Variants in TAOK1 observed in about 807,000 individuals in gnomAD.
The protein encoded by TAOK1 is TAO kinase 1, also known as serine/threonine-protein kinase TAO1.
A neutral mutation model predicts 138.3 loss-of-function variants in TAOK1; 21 were observed. The ratio of observed to expected loss-of-function variants is 0.15; its 90% CI spans 0.11 to 0.22. The LOEUF (loss-of-function observed/expected upper bound fraction) is 0.22. Among genes scored for constraint, TAOK1 ranks in the 10% least tolerant of loss-of-function variants. TAOK1 has a pLI of 1.00. For synonymous variants in TAOK1, 361 were observed against 398.4 expected, an observed-to-expected ratio of 0.91 and a Z score of 1.12; for missense variants, 651 against 1,227.7, an observed-to-expected ratio of 0.53 and a Z score of 7.02.
At chr17:29,508,297 T>C (rs2031662387) in intron 14 of TAOK1, among the ~76,000 whole-genome samples, 165 bp downstream of exon 14, 1 of 152,198 alleles carries the variant, frequency 6.6e-6, no homozygotes, top group Non-Finnish European at 1.5e-5. Context: ...TAAATTGATA[T>C]TACAAGAAAG....
At chr17:29,398,623 A>G (rs1904736853) in intron 1 of TAOK1, among the ~76,000 whole-genome samples, 1 of 151,766 alleles carries the variant, frequency 6.6e-6, no homozygotes, top group Non-Finnish European at 1.5e-5. Flanking sequence ...TCAGCCTCCC[A>G]GGTTCAAGTG....
rs941195582 is a variant in TAOK1, at chr17:29,395,136, T to G, written c.-95+4112T>G. Among the ~76,000 whole-genome samples the G allele has an allele frequency of 3.9e-5, 6 of 152,102 alleles. No individual in the cohort carries two copies. In the East Asian group the frequency reaches 1.2e-3, roughly 29 times the overall value. On this transcript the variant is annotated intron_variant, in intron 1 of 19. Coordinates refer to ENST00000261716, the MANE Select transcript of TAOK1 (RefSeq NM_020791.4). ...ATGGTGCGTGCTTGTTCTAACTACCTGGCAGGCTGAGGTGGGAGGATTGCT... is the reference window on the plus strand; with the variant it reads ...ATGGTGCGTGCTTGTTCTAACTACCGGGCAGGCTGAGGTGGGAGGATTGCT...
chr17:29,397,741 G>A (rs553399490), intron 1 of TAOK1, among the ~76,000 whole-genome samples: 330 of 106,820 alleles, frequency 3.1e-3, no homozygotes, highest in Middle Eastern at 0.015. Context: ...ATATATACAC[G>A]TATATATACA....
chr17:29,481,945 G>A (rs1234636034), intron 7 of TAOK1, among the ~76,000 whole-genome samples: 1 of 152,178 alleles, frequency 6.6e-6, no homozygotes, highest in East Asian at 1.9e-4. Flanking sequence ...GGGTGACAGA[G>A]CGAGACTCTG....
chr17:29,521,120 ATTG>A (rs926095621), intron 16 of TAOK1, among the ~76,000 whole-genome samples: 11 of 152,276 alleles, frequency 7.2e-5, no homozygotes, highest in African/African-American at 2.6e-4. Flanking sequence ...TAAAACATAT[ATTG>A]TTGTTCAGTT....
At chr17:29,499,420 C>G (rs1239016997) in intron 12 of TAOK1, among the ~76,000 whole-genome samples, 1 of 151,362 alleles carries the variant, frequency 6.6e-6, no homozygotes, top group Non-Finnish European at 1.5e-5. Flanking sequence ...TTAGTAGAGA[C>G]AGGGTTTCAC....
intron 19 of TAOK1, among the ~76,000 whole-genome samples, chr17:29,542,310 A>G (rs931179689): frequency 6.6e-6 from 1 of 152,174 alleles, no homozygotes; most frequent in African/African-American, 2.4e-5. Context: ...TTATGGGTGC[A>G]CTAAAAGCCC....
intron 1 of TAOK1, among the ~76,000 whole-genome samples, chr17:29,399,110 C>T (rs1365150598): frequency 6.6e-6 from 1 of 151,688 alleles, no homozygotes; most frequent in East Asian, 1.9e-4. Flanking sequence ...CCTTTGCCCT[C>T]CAAGTAGCTA....
intron 8 of TAOK1, among the ~76,000 whole-genome samples, chr17:29,483,632 C>G (rs2031109264): frequency 6.6e-6 from 1 of 151,984 alleles, no homozygotes; most frequent in South Asian, 2.1e-4. Flanking sequence ...AGTATTTTCA[C>G]TTTTGTTGGA....
At chr17:29,421,327 C>T (rs1010580769) in intron 1 of TAOK1, among the ~76,000 whole-genome samples, 1 of 152,156 alleles carries the variant, frequency 6.6e-6, no homozygotes, top group African/African-American at 2.4e-5. Flanking sequence ...TTATAAACTG[C>T]CAGCATCTAT....
intron 15 of TAOK1, chr17:29,514,403 C>G (rs1331569344): frequency 6.6e-6 from 1 of 152,110 alleles, no homozygotes; most frequent in African/African-American, 2.4e-5. Flanking sequence ...CTCTGTCACC[C>G]ATGCTGGAGT....
At chr17:29,463,969 A>T (rs746847719) in intron 2 of TAOK1, among the ~76,000 whole-genome samples, 1 of 152,232 alleles carries the variant, frequency 6.6e-6, no homozygotes, top group African/African-American at 2.4e-5. Flanking sequence ...AAGATCCTCA[A>T]CCTCATTAGT....
intron 1 of TAOK1, among the ~76,000 whole-genome samples, chr17:29,416,758 A>G (rs1394520634): frequency 6.6e-6 from 1 of 152,162 alleles, no homozygotes; most frequent in Admixed American, 6.6e-5. Context: ...ATACTACCGT[A>G]GAGAGGCAAA....
intron 18 of TAOK1, 53 bp from the exon 19 acceptor site, chr17:29,534,065 A>C (rs149407319): frequency 6.7e-7 from 1 of 1,494,846 alleles, no homozygotes; most frequent in African/African-American, 1.4e-5. Context: ...TCATGAATTG[A>C]TAGCTAACAT....
At chr17:29,439,864 TAAAA>T (rs371960597) in intron 1 of TAOK1, among the ~76,000 whole-genome samples, 3 of 118,168 alleles carry the variant, frequency 2.5e-5, no homozygotes, top group Non-Finnish European at 5.3e-5. Context: ...CTCTGTCTCC[TAAAA>T]AAAAAAAAAA....
rs768190216 is a variant in TAOK1 at position 29,542,690 on chromosome 17, C to G, written c.2674C>G (p.Leu892Val). 24 of 1,614,076 alleles carry G rather than the reference C, an allele frequency of 1.5e-5. No homozygotes were observed. Among genetic ancestry groups the G allele is most frequent in the Non-Finnish European group, 1.9e-5 (22 of 1,180,042 alleles). ...SMRLGFSNMV[L>V]SNLSPEAFSH... ...GAGACTAGGTTTTAGTAATATGGTC[C>G]TTTCTAATCTCTCCCCTGAGGCATT... The change falls in exon 20 of 20, where the codon CTT becomes GTT. Residue 892 changes from leucine (L) to valine (V), a missense_variant. Leu to Val is a conservative substitution (Grantham distance 32). This residue lies in a region of TAOK1 where 258 missense variants were observed against 548.9 expected (regional missense o/e 0.47). Coordinates refer to ENST00000261716, the MANE Select transcript of TAOK1 (RefSeq NM_020791.4).
rs1266344917 is a variant in TAOK1, at chr17:29,502,778, A to G, written c.1338+55A>G. On this transcript the variant is annotated intron_variant, in intron 13 of 19. Transcript: ENST00000261716. ...ATATTTTTCATGTGGGACCTTGGCA[A>G]TATAAACTCAAGTATAGCTATATAT... 3.2e-6 allele frequency: 5 copies of G among 1,572,234 alleles called. No homozygotes were observed. The African/African-American group carries it at 4.1e-5, about 13-fold the overall frequency.
chr17:29,541,101 T>G (rs2032307022), intron 19 of TAOK1, among the ~76,000 whole-genome samples: 1 of 2,514 alleles, frequency 4.0e-4, no homozygotes, highest in South Asian at 0.17. Context: ...AAAAAATTTT[T>G]GTTTTGTTTA....
intron 9 of TAOK1, among the ~76,000 whole-genome samples, chr17:29,491,245 C>T (rs1240794372): frequency 6.6e-6 from 1 of 152,104 alleles, no homozygotes; most frequent in Non-Finnish European, 1.5e-5. Context: ...GTGTTACAGA[C>T]TTCTAACGTT....
Sources: allele counts gnomAD v4.1 joint callset (sites outside exome capture counted in the v4.1 genomes callset), GRCh38; gene constraint gnomAD v4.1.1; regional missense constraint gnomAD v4.1.1; transcripts MANE v1.5; gene names NCBI Gene and HGNC (gene_info 2026-07-23, HGNC 2026-07-21).